The following LCLAT1 variants were observed in gnomAD, a reference collection of about 807,000 sequenced individuals.
The protein encoded by LCLAT1 is 1-AGP acyltransferase 8.
Under a neutral mutation model 30.7 loss-of-function variants are expected in LCLAT1, and 11 were observed. The ratio of observed to expected loss-of-function variants is 0.36; its 90% CI spans 0.23 to 0.59. LCLAT1 has a LOEUF of 0.59. Among genes scored for constraint, LCLAT1 ranks in the 20% least tolerant of loss-of-function variants. LCLAT1 has a pLI of 0.77. For missense variants in LCLAT1, 402 were observed against 458.6 expected (o/e 0.88, Z 1.13); for synonymous variants, 155 against 151.3 (o/e 1.02, Z -0.18).
At chr2:30,629,119 A>T (rs1277161911) in intron 5 of LCLAT1, among the ~76,000 whole-genome samples, 1 of 152,242 alleles carries the variant, frequency 6.6e-6, no homozygotes, top group Non-Finnish European at 1.5e-5. Context: ...AAGAGTGGCT[A>T]TATGGCAAAA....
chr2:30,548,503 G>T (rs1664528778), intron 3 of LCLAT1, among the ~76,000 whole-genome samples: 1 of 152,198 alleles, frequency 6.6e-6, no homozygotes, highest in African/African-American at 2.4e-5. Flanking sequence ...GAAGACCTGG[G>T]ATTAATGGAA....
Position 30,464,291 on chromosome 2 carries a change from ACT to A in LCLAT1, c.-5+16911_-5+16912del, listed in dbSNP as rs1307087501. 7.9e-5 allele frequency among the ~76,000 whole-genome samples: 12 copies of A among 151,978 alleles called. 1 individual carries two copies. The highest frequency in any genetic ancestry group is 7.9e-4 in the Admixed American group (12 of 15,260). On this transcript the variant is annotated intron_variant, in intron 1 of 5. Transcript: ENST00000379509. Reference sequence around the variant, plus strand: ...ATAATGTTTTCATATTTTACATGTAACTCTTTAATTCATCTGGAATTTATTTT... The same window carrying A: ...ATAATGTTTTCATATTTTACATGTAACTTTAATTCATCTGGAATTTATTTT...
intron 1 of LCLAT1, among the ~76,000 whole-genome samples, chr2:30,510,971 T>G (rs767877042): frequency 6.6e-6 from 1 of 152,206 alleles, no homozygotes; most frequent in Non-Finnish European, 1.5e-5. Context: ...TTGAAAATGT[T>G]AAAGATAGTT....
At chr2:30,586,982 C>T (rs1177846876) in intron 5 of LCLAT1, among the ~76,000 whole-genome samples, 4 of 152,306 alleles carry the variant, frequency 2.6e-5, no homozygotes, top group South Asian at 4.1e-4. Context: ...TGTCATCACA[C>T]CCTTATTCCC....
chr2:30,456,074 AAC>A (rs1681820978), intron 1 of LCLAT1, among the ~76,000 whole-genome samples: 1 of 152,176 alleles, frequency 6.6e-6, no homozygotes, highest in Non-Finnish European at 1.5e-5. Flanking sequence ...CAATTTCTTT[AAC>A]AGTTATTAGG....
rs554809769 is a variant in LCLAT1 at position 30,626,893 on chromosome 2, T to C, written c.629-13224T>C. ...TTATCCATGGGTTATCTAAACTTTT[T>C]TTAAAAAGAGGAATATTTTATTATT... On this transcript the variant is annotated intron_variant, in intron 5 of 5. Transcript: ENST00000379509. Among the ~76,000 whole-genome samples the C allele has an allele frequency of 3.3e-5, 5 of 152,284 alleles. No individual in the cohort carries two copies. The East Asian group carries it at 7.7e-4, about 23-fold the overall frequency.
At chr2:30,636,185 G>A (rs1344667006) in intron 5 of LCLAT1, among the ~76,000 whole-genome samples, 1 of 152,168 alleles carries the variant, frequency 6.6e-6, no homozygotes, top group Non-Finnish European at 1.5e-5. Flanking sequence ...TTGAGGCAGA[G>A]GAAGTATTTT....
In LCLAT1 at chr2:30,521,489, C is replaced by CTTTTTTTTTTTTTTTTTTT. The variant is rs1262784785; in HGVS notation, c.-4-4096_-4-4095insTTTTTTTTTTTTTTTTTTT. On this transcript the variant is annotated intron_variant, in intron 1 of 5. Coordinates refer to ENST00000379509, the MANE Select transcript of LCLAT1 (RefSeq NM_001002257.3). ...GTTTCCTCAACCCCCTAAACTACTT[C>CTTTTTTTTTTTTTTTTTTT]TTCTTTTTTTTTTTTTTTTTTTTTT... is the stretch of plus-strand genomic sequence containing the variant. Among the ~76,000 whole-genome samples the CTTTTTTTTTTTTTTTTTTT allele has an allele frequency of 9.0e-5, 5 of 55,566 alleles. 1 individual carries two copies. Among genetic ancestry groups the CTTTTTTTTTTTTTTTTTTT allele is most frequent in the Non-Finnish European group, 1.3e-4 (4 of 31,276 alleles). 36.5% of individuals were successfully genotyped at this position (55,566 alleles called of 152,430 possible). A position where few individuals can be genotyped will look rare whatever the true frequency, so the allele number is the denominator to read the frequency against.
chr2:30,612,050 A>G (rs1869425), intron 5 of LCLAT1, among the ~76,000 whole-genome samples: 19,881 of 152,166 alleles, frequency 0.13, 1,402 homozygotes, highest in South Asian at 0.23. Flanking sequence ...TCTGTGAGGA[A>G]AAGACTTTCT....
chr2:30,528,279 G>T (rs914736026), intron 2 of LCLAT1, among the ~76,000 whole-genome samples: 2 of 152,134 alleles, frequency 1.3e-5, no homozygotes, highest in African/African-American at 4.8e-5. Flanking sequence ...AGAAATGCTG[G>T]TATTTATAGG....
chr2:30,594,536 C>A (rs1666844321), intron 5 of LCLAT1, among the ~76,000 whole-genome samples: 2 of 152,222 alleles, frequency 1.3e-5, no homozygotes, highest in South Asian at 4.2e-4. Flanking sequence ...TCATTTAGCT[C>A]TGCGTGACTA....
rs6759011 is a variant in LCLAT1, at chr2:30,567,952, G to C, written c.512-108G>C. ...CATTTGACTCAGTATTCAGTAATTA[G>C]AGAATAATTAACAGCTATTTTTTAT... On this transcript the variant is annotated intron_variant, in intron 4 of 5. Coordinates refer to ENST00000379509, the MANE Select transcript of LCLAT1 (RefSeq NM_001002257.3). 1.1e-5 allele frequency: 7 copies of C among 615,382 alleles called. No homozygotes were observed. In the East Asian group the frequency reaches 1.9e-4, roughly 17 times the overall value. The allele number at this position is 615,382 out of a possible 1,614,324, so 38.1% of individuals were successfully genotyped here.
intron 5 of LCLAT1, among the ~76,000 whole-genome samples, chr2:30,603,785 C>T (rs1667300602): frequency 6.6e-6 from 1 of 151,934 alleles, no homozygotes; most frequent in Non-Finnish European, 1.5e-5. Flanking sequence ...ATGAAGGGTT[C>T]CAGGAAGAAT....
chr2:30,592,027 T>C (rs997584805), intron 5 of LCLAT1, among the ~76,000 whole-genome samples: 7 of 152,146 alleles, frequency 4.6e-5, no homozygotes, highest in African/African-American at 1.7e-4. Context: ...TCATGAGAGG[T>C]ATTGTTCATC....
intron 1 of LCLAT1, among the ~76,000 whole-genome samples, chr2:30,494,127 G>A (rs1214176786): frequency 6.6e-6 from 1 of 152,198 alleles, no homozygotes; most frequent in African/African-American, 2.4e-5. Context: ...GGATGATGAG[G>A]CAGGAGGATC....
rs144868945 is a variant in LCLAT1 at position 30,643,866 on chromosome 2, A to C, written c.*3247A>C. On this transcript the variant is annotated 3_prime_UTR_variant, in exon 6 of 6. Coordinates refer to ENST00000379509, the MANE Select transcript of LCLAT1 (RefSeq NM_001002257.3). ...TGCTACTGAAAGGGAAATGGTCTCT[A>C]AACACTGGTCACTGTAGCAGGTAAA... is the stretch of plus-strand genomic sequence containing the variant. 9 of 152,748 alleles carry C rather than the reference A, an allele frequency of 5.9e-5. No homozygotes were observed. Among genetic ancestry groups the C allele is most frequent in the African/African-American group, 2.2e-4 (9 of 41,562 alleles). The allele number at this position is 152,748 out of a possible 1,614,324, so 9.5% of individuals were successfully genotyped here.
At chr2:30,563,763 G>C (rs1229554254) in intron 4 of LCLAT1, among the ~76,000 whole-genome samples, 3 of 152,170 alleles carry the variant, frequency 2.0e-5, no homozygotes, top group Non-Finnish European at 4.4e-5. Flanking sequence ...TATTACAAAA[G>C]AGAGTTCAAG....
At chr2:30,527,847 T>G (rs913739023) in intron 2 of LCLAT1, among the ~76,000 whole-genome samples, 2 of 152,244 alleles carry the variant, frequency 1.3e-5, no homozygotes, top group African/African-American at 2.4e-5. Flanking sequence ...GTTTTGCTTT[T>G]ATATTAATTT....
intron 5 of LCLAT1, among the ~76,000 whole-genome samples, chr2:30,617,848 T>C (rs1436182005): frequency 6.6e-6 from 1 of 152,172 alleles, no homozygotes; most frequent in Non-Finnish European, 1.5e-5. Flanking sequence ...TGGGTTGCTT[T>C]ATTATGGGCT....
Sources: allele counts gnomAD v4.1 joint callset (sites outside exome capture counted in the v4.1 genomes callset), GRCh38; gene constraint gnomAD v4.1.1; transcripts MANE v1.5; gene names NCBI Gene and HGNC (gene_info 2026-07-23, HGNC 2026-07-21).